ADAMTS3: variants seen among roughly 807,000 people sequenced by gnomAD.
ADAMTS3 encodes the protein A disintegrin and metalloproteinase with thrombospondin motifs 3.
Under a neutral mutation model 129.0 loss-of-function variants are expected in ADAMTS3, and 73 were observed. That is an observed-to-expected ratio of 0.57 (90% confidence interval 0.47 to 0.69). The LOEUF (loss-of-function observed/expected upper bound fraction) is 0.69. Ranked by LOEUF, ADAMTS3 falls within the 30% of genes least tolerant of loss-of-function variation. ADAMTS3 has a pLI of 0.00. For synonymous variants in ADAMTS3, 477 were observed against 510.8 expected (o/e 0.93, Z 0.89); for missense variants, 1,457 against 1,514.5 (o/e 0.96, Z 0.63).
At chr4:72,421,125 G>A (rs1722434161) in intron 3 of ADAMTS3, among the ~76,000 whole-genome samples, 1 of 151,974 alleles carries the variant, frequency 6.6e-6, no homozygotes, top group Non-Finnish European at 1.5e-5. Context: ...CTAAACTCTA[G>A]ACCATGGCCT....
At chr4:72,544,631 T>G (rs1721420808) in intron 3 of ADAMTS3, among the ~76,000 whole-genome samples, 1 of 152,230 alleles carries the variant, frequency 6.6e-6, no homozygotes, top group African/African-American at 2.4e-5. Flanking sequence ...CTTTTGTTCT[T>G]GTTTTAATTA....
chr4:72,494,855 A>G (rs1489615400), intron 3 of ADAMTS3, among the ~76,000 whole-genome samples: 2 of 152,192 alleles, frequency 1.3e-5, no homozygotes, highest in East Asian at 1.9e-4. Flanking sequence ...ACAGAGTTAC[A>G]TCAGCTAGGT....
At chr4:72,431,344 A>G (rs1276503646) in intron 3 of ADAMTS3, among the ~76,000 whole-genome samples, 1 of 151,986 alleles carries the variant, frequency 6.6e-6, no homozygotes, top group Non-Finnish European at 1.5e-5. Flanking sequence ...AATACTAGTG[A>G]GGACAATAAA....
intron 3 of ADAMTS3, among the ~76,000 whole-genome samples, chr4:72,494,316 C>T (rs1485048331): frequency 2.6e-5 from 4 of 152,040 alleles, no homozygotes; most frequent in South Asian, 4.1e-4. Flanking sequence ...TGGGTCCTCA[C>T]ATTTTTAGAT....
At chr4:72,553,097 T>TG (rs1196158373) in intron 2 of ADAMTS3, among the ~76,000 whole-genome samples, 1 of 35,306 alleles carries the variant, frequency 2.8e-5, no homozygotes, top group Non-Finnish European at 6.1e-5. Context: ...AAGGGGTATG[T>TG]GAAATTAGCA....
chr4:72,491,426 G>A (rs1421895522), intron 3 of ADAMTS3, among the ~76,000 whole-genome samples: 1 of 151,686 alleles, frequency 6.6e-6, no homozygotes, highest in Non-Finnish European at 1.5e-5. Context: ...ATCATAAGAG[G>A]TATGGGTTTT....
At chr4:72,474,530 A>G (rs1719172799) in intron 3 of ADAMTS3, among the ~76,000 whole-genome samples, 1 of 152,136 alleles carries the variant, frequency 6.6e-6, no homozygotes, top group Non-Finnish European at 1.5e-5. Context: ...AAAATAGACT[A>G]CATAAAATAA....
intron 3 of ADAMTS3, among the ~76,000 whole-genome samples, chr4:72,492,873 G>C (rs979442411): frequency 6.6e-6 from 1 of 151,732 alleles, no homozygotes; most frequent in African/African-American, 2.4e-5. Flanking sequence ...ACTTTATTTA[G>C]ATAAAACATT....
intron 3 of ADAMTS3, among the ~76,000 whole-genome samples, chr4:72,507,590 G>A (rs1315085916): frequency 6.6e-6 from 1 of 152,094 alleles, no homozygotes; most frequent in Non-Finnish European, 1.5e-5. Flanking sequence ...TATCCAGATA[G>A]CATTTCTCTT....
At chr4:72,554,018 C>T (rs1721705025) in intron 2 of ADAMTS3, among the ~76,000 whole-genome samples, 2 of 152,178 alleles carry the variant, frequency 1.3e-5, no homozygotes, top group Admixed American at 1.3e-4. Context: ...CATATCTCCA[C>T]TGGCAGCCTA....
At chr4:72,315,114 C>G (rs996835228) in intron 11 of ADAMTS3, among the ~76,000 whole-genome samples, 1 of 152,170 alleles carries the variant, frequency 6.6e-6, no homozygotes, top group Non-Finnish European at 1.5e-5. Context: ...TATAAGTTCA[C>G]ATGACTTTAT....
At chr4:72,422,221 G>A (rs193290646) in intron 3 of ADAMTS3, among the ~76,000 whole-genome samples, 1 of 152,104 alleles carries the variant, frequency 6.6e-6, no homozygotes, top group Non-Finnish European at 1.5e-5. Flanking sequence ...TCTCCTGAGG[G>A]ATTATGTTTA....
At chr4:72,483,737 G>T (rs1170656382) in intron 3 of ADAMTS3, among the ~76,000 whole-genome samples, 2 of 152,108 alleles carry the variant, frequency 1.3e-5, no homozygotes, top group Non-Finnish European at 1.5e-5. Context: ...GATAGCATTT[G>T]TGCCAGGCAC....
chr4:72,402,062 A>T (rs1354911851), intron 4 of ADAMTS3, among the ~76,000 whole-genome samples: 1 of 152,206 alleles, frequency 6.6e-6, no homozygotes, highest in Admixed American at 6.5e-5. Context: ...ACTTTCAGTG[A>T]TTAAGAGTTA....
chr4:72,372,535 TA>T (rs1485308744), intron 4 of ADAMTS3, among the ~76,000 whole-genome samples: 1 of 151,998 alleles, frequency 6.6e-6, no homozygotes, highest in East Asian at 1.9e-4. Context: ...CTGTACTAAA[TA>T]TATTAAGTAA....
intron 3 of ADAMTS3, among the ~76,000 whole-genome samples, chr4:72,456,485 T>C (rs1161586614): frequency 6.7e-6 from 1 of 148,982 alleles, no homozygotes; most frequent in Admixed American, 6.8e-5. Context: ...AGTTTCTGGC[T>C]CCACAAAACC....
chr4:72,381,476 G>A (rs1284616540), intron 4 of ADAMTS3, among the ~76,000 whole-genome samples: 3 of 152,140 alleles, frequency 2.0e-5, no homozygotes, highest in Admixed American at 6.6e-5. Context: ...ATCAGGTCTC[G>A]GAGGCACAAA....
chr4:72,326,261 C>A (rs1365571188), intron 5 of ADAMTS3, among the ~76,000 whole-genome samples: 2 of 152,058 alleles, frequency 1.3e-5, no homozygotes, highest in African/African-American at 4.8e-5. Flanking sequence ...AAATAACCAG[C>A]TGTCTGTACT....
At chr4:72,519,019 T>G (rs1243473561) in intron 3 of ADAMTS3, among the ~76,000 whole-genome samples, 2 of 151,544 alleles carry the variant, frequency 1.3e-5, no homozygotes, top group South Asian at 2.1e-4. Context: ...AGGAGCTCTT[T>G]TAGGGCAGGC....
Sources: gnomAD v4.1 joint callset for allele counts (sites outside exome capture counted in the v4.1 genomes callset) on GRCh38, gnomAD v4.1.1 for gene constraint, MANE v1.5 for transcripts, NCBI Gene and HGNC (gene_info 2026-07-23, HGNC 2026-07-21) for gene names.